The following SORL1 variants were observed in gnomAD, a reference collection of about 807,000 sequenced individuals.
The protein encoded by SORL1 is sortilin-related receptor.
In SORL1, 127 loss-of-function variants were observed where a neutral mutation model predicts 273.7. The ratio of observed to expected loss-of-function variants is 0.46; its 90% CI spans 0.40 to 0.54. The LOEUF (loss-of-function observed/expected upper bound fraction) is 0.54, where lower values mean the gene tolerates loss of function less well. Among genes scored for constraint, SORL1 ranks in the 20% least tolerant of loss-of-function variants. The pLI is 0.00. For synonymous variants in SORL1, 1,031 were observed against 1,067.4 expected (o/e 0.97, Z 0.66); for missense variants, 2,494 against 2,846.1 (o/e 0.88, Z 2.81).
chr11:121,491,316 A>G (rs1026320872), intron 5 of SORL1, among the ~76,000 whole-genome samples: 2 of 152,222 alleles, frequency 1.3e-5, no homozygotes, highest in East Asian at 1.9e-4. Flanking sequence ...AAGTACTTCT[A>G]GAAGTAAATA....
At position 121,588,138 on chromosome 11, in the gene SORL1, G is replaced by C; in HGVS notation, c.3933G>C (p.Ala1311=). 1 of 1,613,390 alleles carries C rather than the reference G, an allele frequency of 6.2e-7. No homozygotes were observed. The highest frequency in any genetic ancestry group is 8.5e-7 in the Non-Finnish European group (1 of 1,179,570). ...QCRDGSDEDA[A]FAGCSQDPEF... ...GCGACGGGTCCGATGAGGATGCGGC[G>C]TTTGCAGGATGCTGTGAGTTGGGGC... Residue 1311 remains alanine, a synonymous_variant, in exon 28 of 48, where the codon GCG becomes GCC. Coordinates refer to ENST00000260197, the MANE Select transcript of SORL1 (RefSeq NM_003105.6).
intron 6 of SORL1, among the ~76,000 whole-genome samples, chr11:121,505,007 CT>C (rs1861766238): frequency 6.6e-6 from 1 of 151,926 alleles, no homozygotes; most frequent in Non-Finnish European, 1.5e-5. Flanking sequence ...ACTGATGGAT[CT>C]TTCTCATATG....
chr11:121,618,536 C>T (rs1863672259), intron 41 of SORL1, among the ~76,000 whole-genome samples: 2 of 152,320 alleles, frequency 1.3e-5, no homozygotes, highest in South Asian at 4.1e-4. Flanking sequence ...CTGCCCGCCT[C>T]TCCTCCAGAA....
chr11:121,452,665 A>G lies in SORL1; in HGVS notation c.285+49A>G, dbSNP rs186407010. ...CCCTCCAGTTTTTTCCTCTCCCTGC[A>G]CTTCCTCACCCCCGCATCCATCCGT... On this transcript the variant is annotated intron_variant, in intron 1 of 47. Coordinates refer to ENST00000260197, the MANE Select transcript of SORL1 (RefSeq NM_003105.6). The surrounding 1 kb of genome is among the most constrained non-coding windows in gnomAD (Gnocchi z 5.3). The G allele has an allele frequency of 7.2e-7, 1 of 1,387,856 alleles. No individual in the cohort carries two copies. The highest frequency in any genetic ancestry group is 9.4e-7 in the Non-Finnish European group (1 of 1,069,124). The allele number at this position is 1,387,856 out of a possible 1,614,324, so 86.0% of individuals were successfully genotyped here.
chr11:121,568,454 A>G (rs1461854768), intron 22 of SORL1, among the ~76,000 whole-genome samples: 1 of 152,206 alleles, frequency 6.6e-6, no homozygotes, highest in Admixed American at 6.5e-5. Flanking sequence ...TGATTATCCA[A>G]ATATGAGACC....
intron 12 of SORL1, among the ~76,000 whole-genome samples, chr11:121,535,978 A>G (rs974318044): frequency 6.6e-6 from 1 of 152,166 alleles, no homozygotes; most frequent in African/African-American, 2.4e-5. Context: ...CTTTTTCGTC[A>G]GAGAAGGGGC....
intron 12 of SORL1, among the ~76,000 whole-genome samples, chr11:121,541,111 A>G (rs1434925914): frequency 6.6e-6 from 1 of 152,188 alleles, no homozygotes; most frequent in Non-Finnish European, 1.5e-5. Flanking sequence ...AGAGATTTGT[A>G]GGGGGAGATT....
chr11:121,629,799 T>A lies in SORL1; in HGVS notation c.*236T>A. The A allele has an allele frequency of 1.9e-6, 1 of 533,120 alleles. No individual in the cohort carries two copies. Among genetic ancestry groups the A allele is most frequent in the Non-Finnish European group, 3.3e-6 (1 of 301,354 alleles). The allele number at this position is 533,120 out of a possible 1,614,324, so 33.0% of individuals were successfully genotyped here. ...CCCAATTGCTTTGATTTGACATTAATGTAGTCTTACAGGGCTGTGCTTGCT... is the reference window on the plus strand; with the variant it reads ...CCCAATTGCTTTGATTTGACATTAAAGTAGTCTTACAGGGCTGTGCTTGCT... On this transcript the variant is annotated 3_prime_UTR_variant, in exon 48 of 48. Coordinates refer to ENST00000260197, the MANE Select transcript of SORL1 (RefSeq NM_003105.6).
chr11:121,582,610 T>C (rs910708075), intron 25 of SORL1, among the ~76,000 whole-genome samples: 1 of 152,230 alleles, frequency 6.6e-6, no homozygotes, highest in Non-Finnish European at 1.5e-5. Flanking sequence ...TGGTTCTAAA[T>C]GACTTCCAGG....
intron 23 of SORL1, among the ~76,000 whole-genome samples, chr11:121,573,059 C>G (rs1029864526): frequency 1.3e-5 from 2 of 152,184 alleles, no homozygotes; most frequent in African/African-American, 2.4e-5. Flanking sequence ...GAGGGTGTTT[C>G]ACGGGGTGCC....
chr11:121,579,860 A>G (rs1472671402), intron 25 of SORL1, among the ~76,000 whole-genome samples: 2 of 152,210 alleles, frequency 1.3e-5, no homozygotes, highest in South Asian at 2.1e-4. Flanking sequence ...GCAGGAGTCT[A>G]TGAGTGGCAA....
Position 121,627,347 on chromosome 11 carries a change from G to A in SORL1, c.6365-208G>A. ...TCTAATGTAATTACCATATTTGCAT[G>A]CACAAGGCCCTTGGTCTATCAGCTC... is the stretch of plus-strand genomic sequence containing the variant. On this transcript the variant is annotated intron_variant, in intron 46 of 47. Transcript: ENST00000260197. The surrounding 1 kb of genome is among the most constrained non-coding windows in gnomAD (Gnocchi z 4.9). 1 of 588,856 alleles carries A rather than the reference G, an allele frequency of 1.7e-6. No homozygotes were observed. The allele number at this position is 588,856 out of a possible 1,614,324, so 36.5% of individuals were successfully genotyped here.
At chr11:121,516,879 C>G (rs973612090) in intron 8 of SORL1, among the ~76,000 whole-genome samples, 11 of 151,976 alleles carry the variant, frequency 7.2e-5, no homozygotes, top group African/African-American at 2.7e-4. Flanking sequence ...TGGTGAAAGC[C>G]CATCTCTACT....
chr11:121,532,147 G>T (rs1345931092), intron 11 of SORL1, among the ~76,000 whole-genome samples: 1 of 152,284 alleles, frequency 6.6e-6, no homozygotes. Context: ...TTTAATCAAG[G>T]GTTGGTGGGA....
intron 21 of SORL1, among the ~76,000 whole-genome samples, chr11:121,566,264 T>C (rs944538122): frequency 1.3e-5 from 2 of 150,866 alleles, no homozygotes; most frequent in Non-Finnish European, 3.0e-5. Context: ...TCTTTCTTTT[T>C]AAAAAAAAAA....
At chr11:121,475,391 C>T (rs917436510) in intron 2 of SORL1, among the ~76,000 whole-genome samples, 2 of 152,320 alleles carry the variant, frequency 1.3e-5, no homozygotes, top group South Asian at 2.1e-4. Flanking sequence ...AGGCATAGGA[C>T]GGACTCTTAC....
chr11:121,573,760 C>T (rs1441107581), intron 23 of SORL1, among the ~76,000 whole-genome samples: 2 of 152,210 alleles, frequency 1.3e-5, no homozygotes, highest in African/African-American at 2.4e-5. Flanking sequence ...ATTTGGTACC[C>T]AGTCTTGACT....
Position 121,452,390 on chromosome 11 carries a change from C to A in SORL1, c.59C>A (p.Ala20Glu). The A allele has an allele frequency of 6.5e-7, 1 of 1,544,818 alleles. No homozygotes were observed. Among genetic ancestry groups the A allele is most frequent in the Admixed American group, 1.9e-5 (1 of 51,588 alleles). The change falls in exon 1 of 48, where the codon GCA becomes GAA. Residue 20 changes from alanine to glutamate, a missense_variant. Transcript: ENST00000260197. This position sits in a 1 kb window ranked among gnomAD's most constrained non-coding sequence, Gnocchi z 5.3. The part of the protein sequence containing the change: ...SRLPFLFTLV[A>E]LLPPGALCEV... ...CTCCCGTTCCTATTCACCCTGGTCG[C>A]ACTGCTGCCGCCCGGAGCTCTCTGC...
In SORL1 at chr11:121,627,459, C is replaced by T. The variant is rs1348569511; in HGVS notation, c.6365-96C>T. The T allele has an allele frequency of 1.0e-5, 10 of 955,824 alleles. No individual in the cohort carries two copies. The highest frequency in any genetic ancestry group is 2.8e-5 in the South Asian group (2 of 70,378). The allele number at this position is 955,824 out of a possible 1,614,324, so 59.2% of individuals were successfully genotyped here. The stretch of plus-strand genomic sequence containing the variant: ...AGGCAGTTTGTGTAGCTGTGGCTAT[C>T]GCCCAGCTTTTTTTGGTGGGTGGGG... On this transcript the variant is annotated intron_variant, in intron 46 of 47. Coordinates refer to ENST00000260197, the MANE Select transcript of SORL1 (RefSeq NM_003105.6). The surrounding 1 kb of genome is among the most constrained non-coding windows in gnomAD (Gnocchi z 4.9).
Sources: allele counts gnomAD v4.1 joint callset (sites outside exome capture counted in the v4.1 genomes callset), GRCh38; gene constraint gnomAD v4.1.1; non-coding constraint Gnocchi (gnomAD v3.1); transcripts MANE v1.5; gene names NCBI Gene and HGNC (gene_info 2026-07-23, HGNC 2026-07-21).